DENND2A: variants seen among roughly 807,000 people sequenced by gnomAD.
DENND2A encodes DENN domain containing 2A, also known as DENN domain-containing protein 2A.
In DENND2A, 53 loss-of-function variants were observed where a neutral mutation model predicts 105.3. The ratio of observed to expected loss-of-function variants is 0.50; its 90% CI spans 0.40 to 0.63. The LOEUF (loss-of-function observed/expected upper bound fraction) is 0.63. Among genes scored for constraint, DENND2A ranks in the 30% least tolerant of loss-of-function variants. The pLI is 0.00. For synonymous variants in DENND2A, 522 were observed against 508.4 expected, an observed-to-expected ratio of 1.03 and a Z score of -0.36; for missense variants, 1,138 against 1,279.6, an observed-to-expected ratio of 0.89 and a Z score of 1.69.
chr7:140,550,232 G>A (rs1797070860), intron 12 of DENND2A, among the ~76,000 whole-genome samples: 1 of 152,028 alleles, frequency 6.6e-6, no homozygotes, highest in Non-Finnish European at 1.5e-5. Context: ...CGCTCTTGTT[G>A]CCCAGGCTGG....
Position 140,519,996 on chromosome 7 carries a change from G to A in DENND2A, c.2912-278C>T, listed in dbSNP as rs568228155. ...TCCGAGCGTCTACACTGTGCCAGGC[G>A]GGCAGTTTTAAAGATGAACCGGAGT... On this transcript the variant is annotated intron_variant, in intron 18 of 19. Transcript: ENST00000496613. Among the ~76,000 whole-genome samples the A allele has an allele frequency of 1.7e-4, 26 of 152,186 alleles. No individual in the cohort carries two copies. The South Asian group carries it at 3.5e-3, about 21-fold the overall frequency.
chr7:140,558,842 G>A (rs1797499225), intron 10 of DENND2A, among the ~76,000 whole-genome samples: 2 of 140,000 alleles, frequency 1.4e-5, no homozygotes, highest in Admixed American at 7.4e-5. Flanking sequence ...TCACTCGGTT[G>A]CCCAGGCTGG....
chr7:140,571,126 G>A (rs918248624), intron 6 of DENND2A, among the ~76,000 whole-genome samples: 3 of 152,064 alleles, frequency 2.0e-5, no homozygotes, highest in African/African-American at 4.8e-5. Flanking sequence ...AAAAATATAG[G>A]ATGGTAATCA....
intron 1 of DENND2A, among the ~76,000 whole-genome samples, chr7:140,612,465 T>C (rs562433510): frequency 6.6e-6 from 1 of 152,094 alleles, no homozygotes; most frequent in South Asian, 2.1e-4. Flanking sequence ...ATATGTATTA[T>C]ATATAACTTG....
At chr7:140,634,179 T>C (rs1195933209) in intron 1 of DENND2A, among the ~76,000 whole-genome samples, 1 of 151,778 alleles carries the variant, frequency 6.6e-6, no homozygotes, top group Non-Finnish European at 1.5e-5. Context: ...TTTGTATTTT[T>C]AGTAGAGACG....
intron 12 of DENND2A, among the ~76,000 whole-genome samples, chr7:140,554,378 GCCTAT>G (rs1234009681): frequency 6.6e-6 from 1 of 152,098 alleles, no homozygotes; most frequent in African/African-American, 2.4e-5. Flanking sequence ...GGTGGCTCAC[GCCTAT>G]AATCCCAGCA....
intron 14 of DENND2A, 171 bp downstream of exon 14, chr7:140,544,447 A>AG: frequency 3.8e-6 from 3 of 793,478 alleles, no homozygotes; most frequent in Non-Finnish European, 2.1e-6. Flanking sequence ...CACCCACCTC[A>AG]GCCTCTCAAA....
intron 11 of DENND2A, among the ~76,000 whole-genome samples, chr7:140,556,397 G>A (rs1021019537): frequency 3.9e-5 from 6 of 151,934 alleles, no homozygotes; most frequent in South Asian, 2.1e-4. Context: ...GGAGTGCAGC[G>A]ACGCGATCTC....
rs1795749847 is a variant in DENND2A at position 140,518,788 on chromosome 7, G to A, written c.2999-50C>T. The stretch of plus-strand genomic sequence containing the variant: ...TTTCACAAGGCAGACAAAGGAGGGT[G>A]AGATAAATCTTGCCCTTTCCACCCA... On this transcript the variant is annotated intron_variant, in intron 19 of 19. Transcript: ENST00000496613. The A allele has an allele frequency of 3.1e-6, 5 of 1,588,490 alleles. No homozygotes were observed. The South Asian group carries it at 4.4e-5, about 14-fold the overall frequency.
Position 140,602,390 on chromosome 7 carries a change from A to G in DENND2A, c.8T>C (p.Met3Thr), listed in dbSNP as rs1799548572. The change falls in exon 3 of 20, where the codon ATG becomes ACG. Residue 3 changes from methionine to threonine, a missense_variant. Around this residue, in one of 2 missense-constraint regions of DENND2A, gnomAD observed 511 missense variants for 499.9 expected, o/e 1.02. Coordinates refer to ENST00000496613, the MANE Select transcript of DENND2A (RefSeq NM_015689.5). MD[M>T]FSLDMIISDP... ...ACTGATGATCATATCCAAGCTGAAC[A>G]TATCCATTCTTGACTCTAGCGTGAG... 2 of 1,567,188 alleles carry G rather than the reference A, an allele frequency of 1.3e-6. No homozygotes were observed. Among genetic ancestry groups the G allele is most frequent in the Non-Finnish European group, 1.7e-6 (2 of 1,159,880 alleles).
intron 11 of DENND2A, among the ~76,000 whole-genome samples, chr7:140,557,485 GTTT>G (rs1204152164): frequency 5.7e-5 from 5 of 87,844 alleles, no homozygotes; most frequent in Non-Finnish European, 9.2e-5. Flanking sequence ...CTCAATTCCT[GTTT>G]TTTTAATGTT....
In DENND2A at chr7:140,598,639, C is replaced by T. The variant is rs569123470; in HGVS notation, c.995+2764G>A. 4.0e-5 allele frequency among the ~76,000 whole-genome samples: 6 copies of T among 151,878 alleles called. No individual in the cohort carries two copies. In the South Asian group the frequency reaches 1.2e-3, roughly 32 times the overall value. On this transcript the variant is annotated intron_variant, in intron 3 of 19. Transcript: ENST00000496613. ...ACATATATATACACACAAACACACA[C>T]AAAATAAGAGTTTTCTTAAATACAA...
chr7:140,536,216 G>A (rs577877172), intron 14 of DENND2A, among the ~76,000 whole-genome samples: 17 of 152,198 alleles, frequency 1.1e-4, no homozygotes, highest in African/African-American at 3.4e-4. Flanking sequence ...TTAGCCAGCC[G>A]TGGTGGCACA....
intron 9 of DENND2A, among the ~76,000 whole-genome samples, chr7:140,564,990 G>A (rs1178842002): frequency 6.6e-6 from 1 of 152,186 alleles, no homozygotes; most frequent in Non-Finnish European, 1.5e-5. Context: ...ATTCCTTAGA[G>A]GTGTGATAGC....
At position 140,601,484 on chromosome 7, in the gene DENND2A, G is replaced by A. The variant is rs763493748; in HGVS notation, c.914C>T (p.Pro305Leu). ...AGGTGGGGGAGAGGAGGGCAGAGGCGGGGGAGGTAGAGAGGGCAGAGGAGG... is the reference window on the plus strand; with the variant it reads ...AGGTGGGGGAGAGGAGGGCAGAGGCAGGGGAGGTAGAGAGGGCAGAGGAGG... ...NLPPLPSLPP[P>L]PLPSSPPPSS... Residue 305 changes from proline (P) to leucine (L), a missense_variant, in exon 3 of 20, where the codon CCG (proline) becomes CTG (leucine). Transcript: ENST00000496613. 2.3e-5 allele frequency: 37 copies of A among 1,613,786 alleles called. No homozygotes were observed. The highest frequency in any genetic ancestry group is 3.0e-5 in the Non-Finnish European group (35 of 1,179,878).
intron 12 of DENND2A, among the ~76,000 whole-genome samples, chr7:140,551,381 C>T (rs1797133498): frequency 6.6e-6 from 1 of 151,252 alleles, no homozygotes; most frequent in Non-Finnish European, 1.5e-5. Context: ...GAGGCAGAAG[C>T]GTTGCCATGC....
chr7:140,572,353 T>A (rs180917725), intron 6 of DENND2A, among the ~76,000 whole-genome samples: 1 of 152,072 alleles, frequency 6.6e-6, no homozygotes, highest in East Asian at 1.9e-4. Context: ...AGAAGTCCCT[T>A]GAAAGCTACA....
intron 9 of DENND2A, among the ~76,000 whole-genome samples, chr7:140,564,579 G>A (rs780106693): frequency 6.6e-6 from 1 of 152,214 alleles, no homozygotes; most frequent in Admixed American, 6.5e-5. Context: ...TAACAGTGAC[G>A]GTCTCTGTGT....
At chr7:140,626,700 C>A (rs1346332407) in intron 1 of DENND2A, among the ~76,000 whole-genome samples, 1 of 152,140 alleles carries the variant, frequency 6.6e-6, no homozygotes, top group Non-Finnish European at 1.5e-5. Flanking sequence ...GGCTTCTGTT[C>A]TTTCCATGAG....
Sources: gnomAD v4.1 joint callset for allele counts (sites outside exome capture counted in the v4.1 genomes callset) on GRCh38, gnomAD v4.1.1 for gene constraint, gnomAD v4.1.1 regional missense constraint, MANE v1.5 for transcripts, NCBI Gene and HGNC (gene_info 2026-07-23, HGNC 2026-07-21) for gene names.